The following DLG2 variants were observed in gnomAD, a reference collection of about 807,000 sequenced individuals.
DLG2 encodes the protein disks large homolog 2.
In DLG2, 45 loss-of-function variants were observed where a neutral mutation model predicts 132.5. That is an observed-to-expected ratio of 0.34 (90% CI 0.27 to 0.44). The LOEUF is 0.44. Among genes scored for constraint, DLG2 ranks in the 20% least tolerant of loss-of-function variants. The pLI is 1.00. For synonymous variants in DLG2, 424 were observed against 419.6 expected, an observed-to-expected ratio of 1.01 and a Z score of -0.13; for missense variants, 1,045 against 1,196.9, an observed-to-expected ratio of 0.87 and a Z score of 1.87.
At chr11:84,383,935 A>G (rs371364384) in intron 7 of DLG2, among the ~76,000 whole-genome samples, 2 of 152,030 alleles carry the variant, frequency 1.3e-5, no homozygotes, top group African/African-American at 4.8e-5. Flanking sequence ...TAACAGCCCA[A>G]GATGCTTTTC....
chr11:84,576,930 A>C (rs1275376051), intron 6 of DLG2, among the ~76,000 whole-genome samples: 1 of 152,136 alleles, frequency 6.6e-6, no homozygotes, highest in Non-Finnish European at 1.5e-5. Context: ...TCCAAATCTT[A>C]ACTTGAATTT....
intron 6 of DLG2, among the ~76,000 whole-genome samples, chr11:84,675,038 A>G (rs983433970): frequency 1.3e-5 from 2 of 152,140 alleles, no homozygotes; most frequent in African/African-American, 4.8e-5. Flanking sequence ...TAAACCTAGT[A>G]TACAGCATCT....
Position 85,457,650 on chromosome 11 carries a change from C to T in DLG2, c.40+141007G>A, listed in dbSNP as rs375192972. 5.3e-4 allele frequency among the ~76,000 whole-genome samples: 80 copies of T among 152,208 alleles called. 1 individual carries two copies. Among genetic ancestry groups the T allele is most frequent in the African/African-American group, 1.9e-3 (78 of 41,546 alleles). On this transcript the variant is annotated intron_variant, in intron 3 of 27. Transcript: ENST00000376104. ...CAGCAAGTCTGGTGGTAATGAATTCCCTCATTTGCTTGTCTGAAAGGGATT... is the reference window on the plus strand; with the variant it reads ...CAGCAAGTCTGGTGGTAATGAATTCTCTCATTTGCTTGTCTGAAAGGGATT...
intron 19 of DLG2, among the ~76,000 whole-genome samples, chr11:83,565,356 A>G (rs1324945388): frequency 6.6e-6 from 1 of 152,130 alleles, no homozygotes; most frequent in East Asian, 1.9e-4. Flanking sequence ...AGAGTTATGT[A>G]AAACACTTTA....
chr11:84,160,912 AAAGAGAAGATGAGAG>A (rs2095532726), intron 9 of DLG2, among the ~76,000 whole-genome samples: 1 of 152,210 alleles, frequency 6.6e-6, no homozygotes. Context: ...TCAACAGCTG[AAAGAGAAGATGAGAG>A]AAGAGAGTGC....
intron 18 of DLG2, among the ~76,000 whole-genome samples, chr11:83,674,758 T>A (rs1032953903): frequency 6.6e-6 from 1 of 152,208 alleles, no homozygotes; most frequent in African/African-American, 2.4e-5. Flanking sequence ...GAGCACTTAC[T>A]CATGCCTGGA....
chr11:83,521,398 A>T (rs2095476858), intron 21 of DLG2, among the ~76,000 whole-genome samples: 1 of 152,010 alleles, frequency 6.6e-6, no homozygotes, highest in South Asian at 2.1e-4. Context: ...TTTAGTGACA[A>T]TTTTTTTTAT....
In DLG2 at chr11:84,237,075, C is replaced by T. The variant is rs529193389; in HGVS notation, c.573+14163G>A. ...TCCTGAGTAGCTGAGACTACAGGCG[C>T]GTGCCACCACCCCCGGCTAATTTTT... On this transcript the variant is annotated intron_variant, in intron 8 of 27. Coordinates refer to ENST00000376104, the MANE Select transcript of DLG2 (RefSeq NM_001142699.3). 3.9e-5 allele frequency among the ~76,000 whole-genome samples: 6 copies of T among 152,086 alleles called. No homozygotes were observed. In the East Asian group the frequency reaches 5.8e-4, roughly 15 times the overall value.
intron 11 of DLG2, among the ~76,000 whole-genome samples, chr11:84,040,454 C>T (rs1461047904): frequency 4.0e-5 from 6 of 150,642 alleles, no homozygotes; most frequent in African/African-American, 1.2e-4. Flanking sequence ...GCCAGTTTTC[C>T]CGGCACCATT....
At chr11:83,959,883 G>A (rs962816060) in intron 14 of DLG2, among the ~76,000 whole-genome samples, 2 of 151,926 alleles carry the variant, frequency 1.3e-5, no homozygotes, top group African/African-American at 4.8e-5. Flanking sequence ...TAATATAGGA[G>A]CAATAATATA....
At chr11:83,844,224 T>C (rs1201795216) in intron 16 of DLG2, among the ~76,000 whole-genome samples, 2 of 152,084 alleles carry the variant, frequency 1.3e-5, no homozygotes. Flanking sequence ...ATATCTATCC[T>C]GATTTTGGCT....
chr11:85,516,493 GAA>G (rs1431812277), intron 3 of DLG2, among the ~76,000 whole-genome samples: 1 of 151,936 alleles, frequency 6.6e-6, no homozygotes. Flanking sequence ...TCAACCAAAT[GAA>G]AAGTTTGTTT....
At chr11:83,466,584 G>T in intron 26 of DLG2, 124 bp downstream of exon 26, 1 of 553,034 alleles carries the variant, frequency 1.8e-6, no homozygotes, top group Non-Finnish European at 3.3e-6. Flanking sequence ...AAAAGAGAAT[G>T]CTGAAAAATC....
intron 2 of DLG2, among the ~76,000 whole-genome samples, chr11:85,623,477 G>T (rs1427151833): frequency 6.6e-6 from 1 of 152,056 alleles, no homozygotes; most frequent in Non-Finnish European, 1.5e-5. Flanking sequence ...GCTAATTTTT[G>T]TATTTTTAGT....
intron 3 of DLG2, among the ~76,000 whole-genome samples, chr11:85,504,698 T>C (rs1028606617): frequency 1.3e-5 from 2 of 152,196 alleles, no homozygotes; most frequent in African/African-American, 4.8e-5. Flanking sequence ...CAATGCAGGC[T>C]CTTTTTTGAT....
At chr11:83,691,515 T>C (rs1316095518) in intron 18 of DLG2, among the ~76,000 whole-genome samples, 1 of 152,102 alleles carries the variant, frequency 6.6e-6, no homozygotes, top group African/African-American at 2.4e-5. Context: ...CTGAAAGTGA[T>C]GAAAAGGACG....
rs192357283 is a variant in DLG2, at chr11:85,213,623, C to A, written c.187-58972G>T. 8.7e-4 allele frequency among the ~76,000 whole-genome samples: 133 copies of A among 152,222 alleles called. 1 individual carries two copies. The East Asian group carries it at 0.011, about 12-fold the overall frequency. On this transcript the variant is annotated intron_variant, in intron 4 of 27. Coordinates refer to ENST00000376104, the MANE Select transcript of DLG2 (RefSeq NM_001142699.3). ...GTAAATGTTTCTTATCAGACTTAGTCTATTTTATCAGCCTAAGTTCTCTGT... is the reference window on the plus strand; with the variant it reads ...GTAAATGTTTCTTATCAGACTTAGTATATTTTATCAGCCTAAGTTCTCTGT...
At chr11:84,719,490 A>G (rs1460642408) in intron 6 of DLG2, among the ~76,000 whole-genome samples, 1 of 152,228 alleles carries the variant, frequency 6.6e-6, no homozygotes, top group Non-Finnish European at 1.5e-5. Flanking sequence ...ACATGCACTC[A>G]GGCCATTAAT....
At chr11:84,207,734 G>T (rs564319223) in intron 8 of DLG2, among the ~76,000 whole-genome samples, 24 of 152,056 alleles carry the variant, frequency 1.6e-4, no homozygotes, top group African/African-American at 5.3e-4. Context: ...GATATGCAAA[G>T]GTATTTTAGA....
Sources: allele counts gnomAD v4.1 joint callset (sites outside exome capture counted in the v4.1 genomes callset), GRCh38; gene constraint gnomAD v4.1.1; transcripts MANE v1.5; gene names NCBI Gene and HGNC (gene_info 2026-07-23, HGNC 2026-07-21).